PDZD2: variants seen among roughly 807,000 people sequenced by gnomAD.
The protein encoded by PDZD2 is PDZ domain containing 2.
Under a neutral mutation model 220.7 loss-of-function variants are expected in PDZD2, and 90 were observed. The observed-to-expected ratio is 0.41, with a 90% CI of 0.34 to 0.49. The LOEUF (loss-of-function observed/expected upper bound fraction) is 0.49, where lower values mean the gene tolerates loss of function less well. Among genes scored for constraint, PDZD2 ranks in the 20% least tolerant of loss-of-function variants. The pLI is 0.28. For synonymous variants in PDZD2, 1,375 were observed against 1,450.5 expected (o/e 0.95, Z 1.18); for missense variants, 3,174 against 3,608.5 (o/e 0.88, Z 3.08).
rs1757255658 is a variant in PDZD2 at position 31,840,771 on chromosome 5, G to A, written c.476+41047G>A. 9 of 808,838 alleles carry A rather than the reference G, an allele frequency of 1.1e-5. No homozygotes were observed. The Admixed American group carries it at 1.5e-4, about 14-fold the overall frequency. The allele number at this position is 808,838 out of a possible 1,614,324, so 50.1% of individuals were successfully genotyped here. ...TACAACAATGCCAACAGCATGCTGGGGAACATTGTAGACTCTTCCCGTTTT... is the reference window on the plus strand; with the variant it reads ...TACAACAATGCCAACAGCATGCTGGAGAACATTGTAGACTCTTCCCGTTTT... On this transcript the variant is annotated intron_variant, in intron 2 of 24. Transcript: ENST00000438447.
intron 2 of PDZD2, among the ~76,000 whole-genome samples, chr5:31,981,318 T>A (rs916357139): frequency 6.6e-6 from 1 of 152,198 alleles, no homozygotes; most frequent in Non-Finnish European, 1.5e-5. Flanking sequence ...TCTCCTTTAA[T>A]TAGACAGTCA....
At chr5:31,857,088 C>T (rs1031638192) in intron 2 of PDZD2, among the ~76,000 whole-genome samples, 1 of 152,048 alleles carries the variant, frequency 6.6e-6, no homozygotes, top group African/African-American at 2.4e-5. Flanking sequence ...GCTGCCTCAG[C>T]AAACCTCCTG....
intron 2 of PDZD2, among the ~76,000 whole-genome samples, chr5:31,810,665 G>A (rs1388470998): frequency 6.6e-6 from 1 of 152,234 alleles, no homozygotes; most frequent in Non-Finnish European, 1.5e-5. Flanking sequence ...ACTGCAATGA[G>A]TAGGTGAGCC....
chr5:32,044,185 T>G (rs1400901019), intron 7 of PDZD2, among the ~76,000 whole-genome samples: 1 of 151,800 alleles, frequency 6.6e-6, no homozygotes, highest in African/African-American at 2.4e-5. Context: ...AAAAATCAGC[T>G]GGGCATGGCG....
chr5:31,886,821 C>G (rs1472511188), intron 2 of PDZD2, among the ~76,000 whole-genome samples: 1 of 152,118 alleles, frequency 6.6e-6, no homozygotes, highest in South Asian at 2.1e-4. Context: ...CCTCAGCCTC[C>G]CGAGTAGCTG....
intron 2 of PDZD2, among the ~76,000 whole-genome samples, chr5:31,821,513 T>A (rs1347796711): frequency 3.9e-5 from 6 of 152,086 alleles, no homozygotes; most frequent in Non-Finnish European, 7.4e-5. Context: ...CCTGAGTAGC[T>A]GGGACTACAG....
chr5:31,922,851 G>A (rs924761379), intron 2 of PDZD2, among the ~76,000 whole-genome samples: 6 of 152,106 alleles, frequency 3.9e-5, no homozygotes, highest in Admixed American at 2.0e-4. Context: ...GCCGATTTTT[G>A]TATTTTTAGT....
At position 31,654,122 on chromosome 5, in the gene PDZD2, A is replaced by G. The variant is rs571659883; in HGVS notation, c.-361+14685A>G. On this transcript the variant is annotated intron_variant, in intron 1 of 24. Coordinates refer to ENST00000438447, the MANE Select transcript of PDZD2 (RefSeq NM_178140.4). ...TAAGCTGAGTCCAGAACATGACCCC[A>G]TAGAGAAGTGGTTCTCCACGCCAAT... Among the ~76,000 whole-genome samples, 12 of 152,208 alleles carry G rather than the reference A, an allele frequency of 7.9e-5. No individual in the cohort carries two copies. The South Asian group carries it at 1.9e-3, about 24-fold the overall frequency.
chr5:32,004,993 G>C (rs909796252), intron 5 of PDZD2, among the ~76,000 whole-genome samples: 2 of 152,128 alleles, frequency 1.3e-5, no homozygotes, highest in Non-Finnish European at 2.9e-5. Flanking sequence ...TTTACAATTA[G>C]GCACTAAACT....
intron 2 of PDZD2, chr5:31,908,866 G>T: frequency 2.1e-6 from 1 of 482,484 alleles, no homozygotes; most frequent in Non-Finnish European, 3.8e-6. Flanking sequence ...GCAACATAGT[G>T]AGACCCTGTC....
chr5:31,828,658 G>A (rs1462535361), intron 2 of PDZD2, among the ~76,000 whole-genome samples: 14 of 152,104 alleles, frequency 9.2e-5, no homozygotes, highest in Non-Finnish European at 8.8e-5. Context: ...ACTACACCTG[G>A]CTAATTTTGT....
At chr5:31,932,234 G>C (rs1226435679) in intron 2 of PDZD2, among the ~76,000 whole-genome samples, 1 of 152,086 alleles carries the variant, frequency 6.6e-6, no homozygotes, top group Non-Finnish European at 1.5e-5. Context: ...GATAGCCATA[G>C]AACTGGCCAA....
intron 1 of PDZD2, among the ~76,000 whole-genome samples, chr5:31,741,219 A>ACT (rs1491022803): frequency 6.8e-6 from 1 of 147,062 alleles, no homozygotes; most frequent in Non-Finnish European, 1.5e-5. Context: ...ACACACACAC[A>ACT]CTTCAGAAAA....
chr5:31,816,159 G>T (rs112763141), intron 2 of PDZD2, among the ~76,000 whole-genome samples: 4,392 of 151,862 alleles, frequency 0.029, 234 homozygotes, highest in African/African-American at 0.1. Context: ...ATGGTGGCAG[G>T]CGCCTGTAGT....
chr5:31,936,187 G>A (rs944660518), intron 2 of PDZD2: 19 of 987,678 alleles, frequency 1.9e-5, no homozygotes, highest in South Asian at 4.7e-5. Flanking sequence ...GTTGGAGCAC[G>A]CATGGCGCAG....
chr5:31,936,276 T>A (rs1443796863), intron 2 of PDZD2: 1 of 987,622 alleles, frequency 1.0e-6, no homozygotes, highest in African/African-American at 1.7e-5. Flanking sequence ...CAACCAACTT[T>A]GGAGTCTGTC....
intron 1 of PDZD2, chr5:31,738,784 G>T (rs967769733): frequency 6.6e-6 from 1 of 152,120 alleles, no homozygotes; most frequent in Non-Finnish European, 1.5e-5. Flanking sequence ...CCTAAGTATC[G>T]TTTAGCGATA....
At chr5:31,934,010 C>G (rs1745517087) in intron 2 of PDZD2, among the ~76,000 whole-genome samples, 1 of 152,152 alleles carries the variant, frequency 6.6e-6, no homozygotes, top group African/African-American at 2.4e-5. Flanking sequence ...TAAAGCAAAA[C>G]TATATGTTAT....
chr5:31,965,565 G>A (rs1410146259), intron 2 of PDZD2, among the ~76,000 whole-genome samples: 1 of 152,140 alleles, frequency 6.6e-6, no homozygotes, highest in Admixed American at 6.5e-5. Context: ...AAGAGCTAGG[G>A]CTTTACAAGA....
Sources: gnomAD v4.1 joint callset for allele counts (sites outside exome capture counted in the v4.1 genomes callset) on GRCh38, gnomAD v4.1.1 for gene constraint, MANE v1.5 for transcripts, NCBI Gene and HGNC (gene_info 2026-07-23, HGNC 2026-07-21) for gene names.